The following CEMIP variants were observed in gnomAD, a reference collection of about 807,000 sequenced individuals.
CEMIP encodes the protein cell migration-inducing and hyaluronan-binding protein.
Under a neutral mutation model 156.9 loss-of-function variants are expected in CEMIP, and 105 were observed. The observed-to-expected ratio is 0.67, with a 90% CI of 0.57 to 0.79. The LOEUF (loss-of-function observed/expected upper bound fraction) is 0.79. Ranked by LOEUF, CEMIP falls within the 30% of genes least tolerant of loss-of-function variation. CEMIP has a pLI of 0.00. For missense variants in CEMIP, 1,457 were observed against 1,769.4 expected (o/e 0.82, Z 3.17); for synonymous variants, 676 against 668.4 (o/e 1.01, Z -0.17).
rs145931381 is a variant in CEMIP at position 80,948,940 on chromosome 15, G to A, written c.*16G>A. The A allele has an allele frequency of 9.0e-4, 1,458 of 1,614,098 alleles. 7 individuals are homozygous for A. In the African/African-American group the frequency reaches 0.015, roughly 17 times the overall value. ...GAAGTTGTGAGGACAGCTGCCGCCC[G>A]GTGCCACCTCGTGGTAGACTATGAC... On this transcript the variant is annotated 3_prime_UTR_variant, in exon 30 of 30. Transcript: ENST00000394685.
intron 10 of CEMIP, among the ~76,000 whole-genome samples, chr15:80,889,976 G>A (rs1255484375): frequency 6.6e-6 from 1 of 152,238 alleles, no homozygotes; most frequent in Non-Finnish European, 1.5e-5. Context: ...CCCAGATGGA[G>A]AACACACGCA....
At chr15:80,939,812 T>C (rs1901272522) in intron 25 of CEMIP, among the ~76,000 whole-genome samples, 1 of 152,210 alleles carries the variant, frequency 6.6e-6, no homozygotes, top group African/African-American at 2.4e-5. Context: ...TATACGTTTG[T>C]TGTTTCTTAT....
intron 1 of CEMIP, among the ~76,000 whole-genome samples, chr15:80,850,906 T>C (rs773733476): frequency 6.6e-6 from 1 of 152,000 alleles, no homozygotes; most frequent in Non-Finnish European, 1.5e-5. Context: ...GGCTCAGGGA[T>C]GGCTGAAAGC....
intron 1 of CEMIP, among the ~76,000 whole-genome samples, chr15:80,805,177 G>T (rs1372166752): frequency 6.6e-6 from 1 of 152,160 alleles, no homozygotes; most frequent in Non-Finnish European, 1.5e-5. Flanking sequence ...AAAATCAGTG[G>T]CTGGCTTAGA....
At chr15:80,793,431 G>A (rs943093457) in intron 1 of CEMIP, among the ~76,000 whole-genome samples, 3 of 152,190 alleles carry the variant, frequency 2.0e-5, no homozygotes, top group Admixed American at 6.5e-5. Context: ...AAGTGAAGGG[G>A]AGTGGTTACC....
chr15:80,930,319 C>G (rs1019078843), intron 21 of CEMIP, among the ~76,000 whole-genome samples: 2 of 152,220 alleles, frequency 1.3e-5, no homozygotes, highest in South Asian at 2.1e-4. Flanking sequence ...ACCCTGAATC[C>G]GCACGTTCAA....
intron 1 of CEMIP, among the ~76,000 whole-genome samples, chr15:80,803,542 G>A (rs911418900): frequency 6.6e-6 from 1 of 152,168 alleles, no homozygotes; most frequent in Non-Finnish European, 1.5e-5. Flanking sequence ...AGACAAGGTG[G>A]TGAAGATGAC....
At chr15:80,797,791 TC>T (rs1896270294) in intron 1 of CEMIP, among the ~76,000 whole-genome samples, 2 of 152,206 alleles carry the variant, frequency 1.3e-5, no homozygotes, top group African/African-American at 4.8e-5. Context: ...GAGAAAGAAG[TC>T]CTGCAGCTTC....
chr15:80,840,648 G>A (rs974369035), intron 1 of CEMIP, among the ~76,000 whole-genome samples: 1 of 152,188 alleles, frequency 6.6e-6, no homozygotes, highest in Non-Finnish European at 1.5e-5. Flanking sequence ...CTGGACTGCT[G>A]GGTGTCCCTG....
At chr15:80,884,795 G>C (rs886259260) in intron 7 of CEMIP, among the ~76,000 whole-genome samples, 1 of 152,238 alleles carries the variant, frequency 6.6e-6, no homozygotes, top group African/African-American at 2.4e-5. Flanking sequence ...CCTTTGACAT[G>C]ATCTAATATG....
chr15:80,914,877 A>G (rs977616673), intron 14 of CEMIP, among the ~76,000 whole-genome samples: 4 of 151,850 alleles, frequency 2.6e-5, no homozygotes, highest in African/African-American at 4.8e-5. Flanking sequence ...GTCTCCCCCA[A>G]AATTGGGGGA....
chr15:80,824,898 C>T (rs1349590897), intron 1 of CEMIP, among the ~76,000 whole-genome samples: 3 of 152,164 alleles, frequency 2.0e-5, no homozygotes, highest in Non-Finnish European at 2.9e-5. Context: ...AGAAAGTGAT[C>T]TCGCAGGGCC....
At chr15:80,787,449 G>T (rs1895969098) in intron 1 of CEMIP, among the ~76,000 whole-genome samples, 1 of 152,182 alleles carries the variant, frequency 6.6e-6, no homozygotes, top group South Asian at 2.1e-4. Flanking sequence ...CAAAACACTT[G>T]CCCTGGACAG....
intron 1 of CEMIP, among the ~76,000 whole-genome samples, chr15:80,846,382 C>T (rs1344632340): frequency 2.6e-5 from 4 of 152,218 alleles, no homozygotes; most frequent in African/African-American, 7.2e-5. Context: ...CTTTTCCTCC[C>T]CCAGGAAAAC....
At position 80,936,931 on chromosome 15, in the gene CEMIP, G is replaced by A. The variant is rs141057325; in HGVS notation, c.3221+46G>A. On this transcript the variant is annotated intron_variant, in intron 24 of 29. Coordinates refer to ENST00000394685, the MANE Select transcript of CEMIP (RefSeq NM_001293298.2). Reference sequence around the variant, plus strand: ...GAGCAGTGAGCTCAAAGCTGATAACGATGCCTTGTTGCAAAGTCCTGGACT... The same window carrying A: ...GAGCAGTGAGCTCAAAGCTGATAACAATGCCTTGTTGCAAAGTCCTGGACT... 1.3e-4 allele frequency: 211 copies of A among 1,575,870 alleles called. No homozygotes were observed. In the African/African-American group the frequency reaches 2.3e-3, roughly 17 times the overall value.
At chr15:80,812,097 C>T (rs1437550999) in intron 1 of CEMIP, among the ~76,000 whole-genome samples, 1 of 151,966 alleles carries the variant, frequency 6.6e-6, no homozygotes, top group East Asian at 1.9e-4. Flanking sequence ...CACTACAGGG[C>T]TGAACTCCTG....
chr15:80,923,986 A>T (rs2141929803), intron 17 of CEMIP, among the ~76,000 whole-genome samples: 1 of 152,322 alleles, frequency 6.6e-6, no homozygotes, highest in East Asian at 1.9e-4. Context: ...AAAAAAGAGA[A>T]ATCTGAGTAT....
intron 1 of CEMIP, among the ~76,000 whole-genome samples, chr15:80,873,256 A>C (rs967288127): frequency 6.6e-6 from 1 of 152,244 alleles, no homozygotes; most frequent in Non-Finnish European, 1.5e-5. Flanking sequence ...ACAATTAGCT[A>C]TCTTTGCTAC....
intron 1 of CEMIP, among the ~76,000 whole-genome samples, chr15:80,796,488 G>C (rs1288476573): frequency 6.6e-6 from 1 of 152,182 alleles, no homozygotes; most frequent in East Asian, 1.9e-4. Flanking sequence ...TGAATGAGCA[G>C]ACTCAGGGTA....
Sources: allele counts gnomAD v4.1 joint callset (sites outside exome capture counted in the v4.1 genomes callset), GRCh38; gene constraint gnomAD v4.1.1; transcripts MANE v1.5; gene names NCBI Gene and HGNC (gene_info 2026-07-23, HGNC 2026-07-21).